Variants in UBE2L3 observed in about 807,000 individuals in gnomAD.
The protein encoded by UBE2L3 is ubiquitin-conjugating enzyme E2 L3.
Under a neutral mutation model 17.8 loss-of-function variants are expected in UBE2L3, and 1 was observed. That is an observed-to-expected ratio of 0.06 (90% CI 0.02 to 0.27). The LOEUF (loss-of-function observed/expected upper bound fraction) is 0.27, where lower values mean the gene tolerates loss of function less well. Among genes scored for constraint, UBE2L3 ranks in the 10% least tolerant of loss-of-function variants. The pLI is 1.00. For missense variants in UBE2L3, 40 were observed against 192.6 expected, an observed-to-expected ratio of 0.21 and a Z score of 4.69; for synonymous variants, 44 against 68.5, an observed-to-expected ratio of 0.64 and a Z score of 1.76.
rs1928337184 is a variant in UBE2L3, at chr22:21,592,911, G to A, written c.78G>A (p.Gln26=). ...GGATGAAAAACTTCCGTAACATCCA[G>A]GTTGATGAAGCTAATTTATTGACTT... is the stretch of plus-strand genomic sequence containing the variant. ...KCGMKNFRNI[Q]VDEANLLTWQ... Residue 26 remains glutamine, a synonymous_variant, in exon 2 of 4, where the codon CAG becomes CAA. Transcript: ENST00000342192. 1 of 1,613,954 alleles carries A rather than the reference G, an allele frequency of 6.2e-7. No homozygotes were observed. The highest frequency in any genetic ancestry group is 8.5e-7 in the Non-Finnish European group (1 of 1,180,036).
chr22:21,564,695 G>A (rs958021453), upstream of UBE2L3, among the ~76,000 whole-genome samples: 6 of 152,190 alleles, frequency 3.9e-5, no homozygotes, highest in Admixed American at 1.3e-4. Context: ...TAGCACATCC[G>A]GGTCAAAGGT....
Position 21,599,536 on chromosome 22 carries a change from A to C in UBE2L3, c.123+6580A>C, listed in dbSNP as rs377231248. ...AAGCACTGAGTGTGGCTCCACCTGC[A>C]AGGCACTTAAGACCAAACAGAAGCA... On this transcript the variant is annotated intron_variant, in intron 2 of 3. Coordinates refer to ENST00000342192, the MANE Select transcript of UBE2L3 (RefSeq NM_003347.4). 1.2e-4 allele frequency among the ~76,000 whole-genome samples: 18 copies of C among 152,220 alleles called. No homozygotes were observed. The East Asian group carries it at 3.5e-3, about 29-fold the overall frequency.
intron 2 of UBE2L3, among the ~76,000 whole-genome samples, chr22:21,605,767 A>T (rs958100656): frequency 7.9e-5 from 12 of 152,140 alleles, no homozygotes; most frequent in African/African-American, 2.9e-4. Flanking sequence ...CAGCCTCCCA[A>T]AGTGTTGGGA....
intron 3 of UBE2L3, among the ~76,000 whole-genome samples, chr22:21,619,521 G>A (rs1446707460): frequency 6.6e-6 from 1 of 152,146 alleles, no homozygotes; most frequent in African/African-American, 2.4e-5. Context: ...TACCCACTGT[G>A]GTCACAGGAG....
chr22:21,578,014 G>A (rs940414320), intron 1 of UBE2L3, among the ~76,000 whole-genome samples: 3 of 152,066 alleles, frequency 2.0e-5, no homozygotes, highest in South Asian at 2.1e-4. Flanking sequence ...CTCTGAACCC[G>A]TCTGAGATGG....
chr22:21,561,027 A>G (rs1182723960), intron 1 of UBE2L3, among the ~76,000 whole-genome samples: 1 of 152,246 alleles, frequency 6.6e-6, no homozygotes, highest in African/African-American at 2.4e-5. Flanking sequence ...GAAGGAGGAT[A>G]GAAAGGAAGG....
chr22:21,552,977 C>T lies in UBE2L3; in HGVS notation c.201+3327C>T, dbSNP rs1299765000. On this transcript the variant is annotated intron_variant, in intron 1 of 3. Transcript: ENST00000458578. ...CCTGACCCTGTTGATCTGCCCGCCTCGGCCTCACAAAGTGCTGGGATTACA... is the reference window on the plus strand; with the variant it reads ...CCTGACCCTGTTGATCTGCCCGCCTTGGCCTCACAAAGTGCTGGGATTACA... 7.9e-5 allele frequency among the ~76,000 whole-genome samples: 4 copies of T among 50,512 alleles called. 2 individuals are homozygous for T. Among genetic ancestry groups the T allele is most frequent in the East Asian group, 5.5e-4 (2 of 3,654 alleles). 33.1% of individuals were successfully genotyped at this position (50,512 alleles called of 152,430 possible). A position where few individuals can be genotyped will look rare whatever the true frequency, so the allele number is the denominator to read the frequency against.
At chr22:21,614,851 T>C (rs974975756) in intron 3 of UBE2L3, among the ~76,000 whole-genome samples, 7 of 151,980 alleles carry the variant, frequency 4.6e-5, no homozygotes, top group African/African-American at 1.7e-4. Flanking sequence ...CATCAATTGG[T>C]GAGTGAATAA....
upstream of UBE2L3, among the ~76,000 whole-genome samples, chr22:21,563,396 C>CAA (rs1402687151): frequency 3.2e-5 from 4 of 124,536 alleles, no homozygotes; most frequent in East Asian, 2.4e-4. Flanking sequence ...CTGAAAATAC[C>CAA]AAAAAAAAAA....
At chr22:21,586,109 A>T (rs1013737334) in intron 1 of UBE2L3, among the ~76,000 whole-genome samples, 5 of 151,338 alleles carry the variant, frequency 3.3e-5, no homozygotes, top group African/African-American at 4.9e-5. Flanking sequence ...CTAATTTTTT[A>T]ATTTTTTTAT....
At chr22:21,563,161 G>A (rs131656), upstream of UBE2L3, among the ~76,000 whole-genome samples, 30,388 of 148,966 alleles carry the variant, frequency 0.2, 4,039 homozygotes, top group East Asian at 0.51. Context: ...AAAATCGCTC[G>A]AACCCAGGAG....
chr22:21,572,865 T>C (rs375060762), intron 1 of UBE2L3, among the ~76,000 whole-genome samples: 7 of 152,310 alleles, frequency 4.6e-5, no homozygotes. Context: ...TCTACTCAGT[T>C]GCTCAAGGAA....
intron 1 of UBE2L3, among the ~76,000 whole-genome samples, chr22:21,559,031 C>G (rs1285813130): frequency 6.6e-6 from 1 of 151,618 alleles, no homozygotes; most frequent in Admixed American, 6.6e-5. Flanking sequence ...TACCCTCTCC[C>G]GGTCCAGCTT....
At chr22:21,603,907 A>G (rs1008216380) in intron 2 of UBE2L3, among the ~76,000 whole-genome samples, 23 of 111,328 alleles carry the variant, frequency 2.1e-4, no homozygotes, top group Non-Finnish European at 3.6e-4. Flanking sequence ...GTGTTTTTTG[A>G]TTTTTTTTTT....
intron 2 of UBE2L3, among the ~76,000 whole-genome samples, chr22:21,601,164 C>T (rs1252605710): frequency 1.3e-5 from 2 of 151,992 alleles, no homozygotes; most frequent in African/African-American, 4.8e-5. Context: ...GAGCGAGACT[C>T]TTTCAAAGAA....
In UBE2L3 at chr22:21,557,873, T is replaced by C. The variant is rs550483677; in HGVS notation, c.201+8223T>C. On this transcript the variant is annotated intron_variant, in intron 1 of 3. Transcript: ENST00000458578. ...TCAGATTCGAAGAAGTGTTTTGGTT[T>C]AATAAAGCATTATGCTCCTTGAAAC... Among the ~76,000 whole-genome samples the C allele has an allele frequency of 1.4e-4, 22 of 152,300 alleles. 1 individual carries two copies. The South Asian group carries it at 4.6e-3, about 32-fold the overall frequency.
chr22:21,616,310 GGA>G (rs1929768507), intron 3 of UBE2L3, among the ~76,000 whole-genome samples: 1 of 152,154 alleles, frequency 6.6e-6, no homozygotes, highest in Non-Finnish European at 1.5e-5. Flanking sequence ...TCTAGGAGGA[GGA>G]GAATAGGAAG....
intron 1 of UBE2L3, among the ~76,000 whole-genome samples, chr22:21,576,731 G>T (rs1001061962): frequency 1.3e-5 from 2 of 151,798 alleles, no homozygotes; most frequent in African/African-American, 4.8e-5. Flanking sequence ...ACTGCGCCTG[G>T]CCGAAAGCAA....
chr22:21,567,884 G>A (rs1926722480), intron 1 of UBE2L3, 113 bp downstream of exon 1: 2 of 1,537,078 alleles, frequency 1.3e-6, no homozygotes, highest in African/African-American at 1.4e-5. Context: ...TGCCCTACAC[G>A]GCCTCGTCGG....
Sources: allele counts gnomAD v4.1 joint callset (sites outside exome capture counted in the v4.1 genomes callset), GRCh38; gene constraint gnomAD v4.1.1; transcripts MANE v1.5; gene names NCBI Gene and HGNC (gene_info 2026-07-23, HGNC 2026-07-21).